SH3RF3: variants seen among roughly 807,000 people sequenced by gnomAD.
SH3RF3 encodes SH3 domain containing ring finger 3.
SH3RF3 carries 29 observed loss-of-function variants against 66.3 expected under a neutral mutation model. The observed-to-expected ratio is 0.44, with a 90% CI of 0.33 to 0.60. The LOEUF (loss-of-function observed/expected upper bound fraction) is 0.60, where lower values mean the gene tolerates loss of function less well. SH3RF3 is among the 20% of genes least tolerant of loss of function. The pLI is 0.04. For synonymous variants in SH3RF3, 583 were observed against 532.0 expected (o/e 1.10, Z -1.32); for missense variants, 1,194 against 1,190.9 (o/e 1.00, Z -0.04).
chr2:109,132,292 T>C (rs973805527), intron 1 of SH3RF3, among the ~76,000 whole-genome samples: 1 of 152,238 alleles, frequency 6.6e-6, no homozygotes, highest in Non-Finnish European at 1.5e-5. Context: ...GCATAGCTTG[T>C]TTACTTTATT....
Position 109,129,587 on chromosome 2 carries a change from C to G in SH3RF3, c.47C>G (p.Ala16Gly), listed in dbSNP as rs746705321. The G allele has an allele frequency of 6.7e-7, 1 of 1,484,870 alleles. No homozygotes were observed. Among genetic ancestry groups the G allele is most frequent in the South Asian group, 1.3e-5 (1 of 77,672 alleles). 92.0% of individuals were successfully genotyped at this position (1,484,870 alleles called of 1,614,324 possible). ...CTGTGCGCATCCAAGGCGGCCGCCG[C>G]TGCTGCGCAGAGCGAGGGCGACGAG... ...SWLCASKAAA[A>G]AAQSEGDEDR... The change falls in exon 1 of 10, where the codon GCT (alanine) becomes GGT (glycine). Residue 16 changes from alanine to glycine, a missense_variant. Ala to Gly is a moderately conservative substitution (Grantham distance 60). Transcript: ENST00000309415.
chr2:109,296,772 G>C (rs1053500134), intron 1 of SH3RF3, among the ~76,000 whole-genome samples: 2 of 152,206 alleles, frequency 1.3e-5, no homozygotes, highest in Non-Finnish European at 2.9e-5. Flanking sequence ...TTGCCATGGC[G>C]TGTGGGAATA....
intron 1 of SH3RF3, among the ~76,000 whole-genome samples, chr2:109,259,226 A>G (rs1680294761): frequency 6.6e-6 from 1 of 152,222 alleles, no homozygotes; most frequent in Non-Finnish European, 1.5e-5. Flanking sequence ...GGGTCGGATT[A>G]AAGGGTGTCC....
At chr2:109,290,128 A>T (rs113776897) in intron 1 of SH3RF3, among the ~76,000 whole-genome samples, 1 of 152,162 alleles carries the variant, frequency 6.6e-6, no homozygotes, top group Admixed American at 6.5e-5. Context: ...ATTACCACAG[A>T]TATAGATGAC....
chr2:109,263,128 G>C (rs189150986), intron 1 of SH3RF3, among the ~76,000 whole-genome samples: 1 of 152,190 alleles, frequency 6.6e-6, no homozygotes, highest in Non-Finnish European at 1.5e-5. Flanking sequence ...TTATAGGCGT[G>C]AGCCACCACG....
intron 3 of SH3RF3, among the ~76,000 whole-genome samples, chr2:109,398,269 C>T (rs1264023415): frequency 6.6e-6 from 1 of 152,180 alleles, no homozygotes; most frequent in African/African-American, 2.4e-5. Flanking sequence ...CCCTCACTGT[C>T]TGCAAGGCGG....
chr2:109,269,874 C>T (rs2105315317), intron 1 of SH3RF3, among the ~76,000 whole-genome samples: 1 of 152,354 alleles, frequency 6.6e-6, no homozygotes, highest in Admixed American at 6.5e-5. Context: ...TTGTTCATTA[C>T]ATCATCCTCA....
intron 1 of SH3RF3, among the ~76,000 whole-genome samples, chr2:109,245,094 C>T (rs974206298): frequency 2.6e-5 from 4 of 152,128 alleles, no homozygotes; most frequent in African/African-American, 9.7e-5. Context: ...GCAGAGTGTG[C>T]CCAGTTCTCA....
chr2:109,245,623 ATAACT>A (rs1679898048), intron 1 of SH3RF3, among the ~76,000 whole-genome samples: 2 of 152,350 alleles, frequency 1.3e-5, no homozygotes, highest in South Asian at 4.1e-4. Context: ...TATATATAAA[ATAACT>A]TTACGAGTTT....
intron 6 of SH3RF3, 93 bp downstream of exon 6, chr2:109,432,764 C>T (rs1405811094): frequency 1.1e-5 from 16 of 1,469,350 alleles, no homozygotes; most frequent in East Asian, 4.8e-5. Context: ...CTCTGTCAGC[C>T]GGGCCCAGAA....
intron 6 of SH3RF3, among the ~76,000 whole-genome samples, chr2:109,436,633 T>G (rs1028361677): frequency 3.3e-5 from 5 of 152,246 alleles, no homozygotes; most frequent in African/African-American, 1.2e-4. Context: ...TATAAAAGAT[T>G]TCGTTCAGCT....
chr2:109,432,055 C>T (rs1236320139), intron 5 of SH3RF3, among the ~76,000 whole-genome samples: 1 of 152,146 alleles, frequency 6.6e-6, no homozygotes, highest in Non-Finnish European at 1.5e-5. Flanking sequence ...AAACCCAGCC[C>T]AAGAATAGCT....
At position 109,487,931 on chromosome 2, in the gene SH3RF3, G is replaced by T. The variant is rs149630799; in HGVS notation, c.2149-2674G>T. Among the ~76,000 whole-genome samples the T allele has an allele frequency of 3.0e-3, 454 of 152,358 alleles. 2 individuals carry two copies. The highest frequency in any genetic ancestry group is 0.011 in the African/African-American group (440 of 41,586). On this transcript the variant is annotated intron_variant, in intron 8 of 9. Coordinates refer to ENST00000309415, the MANE Select transcript of SH3RF3 (RefSeq NM_001099289.3). Reference sequence around the variant, plus strand: ...CAAACACGACCCCTGTACTTCCAAAGCTTTGATTCTAGAGGGGAGCCTAGA... The same window carrying T: ...CAAACACGACCCCTGTACTTCCAAATCTTTGATTCTAGAGGGGAGCCTAGA...
At chr2:109,436,427 G>A (rs1330192541) in intron 6 of SH3RF3, among the ~76,000 whole-genome samples, 2 of 152,232 alleles carry the variant, frequency 1.3e-5, no homozygotes, top group Non-Finnish European at 2.9e-5. Context: ...ATGTCGTGCT[G>A]TGTGTGCCCT....
At chr2:109,420,224 C>A (rs1332686469) in intron 5 of SH3RF3, among the ~76,000 whole-genome samples, 1 of 152,174 alleles carries the variant, frequency 6.6e-6, no homozygotes, top group Non-Finnish European at 1.5e-5. Context: ...TAAAATTCCC[C>A]ATTTAAATCA....
intron 1 of SH3RF3, among the ~76,000 whole-genome samples, chr2:109,161,302 A>G (rs11695650): frequency 0.029 from 4,475 of 152,202 alleles, 101 homozygotes; most frequent in Non-Finnish European, 0.046. Flanking sequence ...AGGAGTGTGT[A>G]GGAAGACAAG....
intron 8 of SH3RF3, among the ~76,000 whole-genome samples, chr2:109,487,132 A>C (rs1319421761): frequency 6.6e-6 from 1 of 152,186 alleles, no homozygotes; most frequent in Non-Finnish European, 1.5e-5. Flanking sequence ...GCTCCTGAAC[A>C]TTGCTTGCTT....
intron 1 of SH3RF3, among the ~76,000 whole-genome samples, chr2:109,144,176 A>G (rs559628820): frequency 1.4e-4 from 22 of 152,362 alleles, no homozygotes; most frequent in South Asian, 6.2e-4. Context: ...GAACTTTGCT[A>G]AAAGAATAGA....
At chr2:109,249,467 C>CTCTT (rs759428314) in intron 1 of SH3RF3, among the ~76,000 whole-genome samples, 2,150 of 99,068 alleles carry the variant, frequency 0.022, 113 homozygotes, top group Middle Eastern at 0.057. Context: ...TTCTCTCTTT[C>CTCTT]TCTTTCTTTC....
Sources: gnomAD v4.1 joint callset for allele counts (sites outside exome capture counted in the v4.1 genomes callset) on GRCh38, gnomAD v4.1.1 for gene constraint, MANE v1.5 for transcripts, NCBI Gene and HGNC (gene_info 2026-07-23, HGNC 2026-07-21) for gene names.